The following C20orf202 variants were observed in gnomAD, a reference collection of about 807,000 sequenced individuals.
The protein encoded by C20orf202 is chromosome 20 open reading frame 202.
In C20orf202, 5 loss-of-function variants were observed where a neutral mutation model predicts 5.3. That is an observed-to-expected ratio of 0.94 (90% CI 0.49 to 1.98). The LOEUF (loss-of-function observed/expected upper bound fraction) is 1.98. Ranked by LOEUF, C20orf202 falls within the 30% of genes most tolerant of loss-of-function variation. The pLI is 0.01. For synonymous variants in C20orf202, 48 were observed against 50.0 expected (o/e 0.96, Z 0.16); for missense variants, 135 against 123.5 (o/e 1.09, Z -0.44).
In C20orf202 at chr20:1,206,952, C is replaced by G; in HGVS notation, c.150C>G (p.Ser50Arg). The G allele has an allele frequency of 6.4e-7, 1 of 1,551,642 alleles. No homozygotes were observed. Among genetic ancestry groups the G allele is most frequent in the Non-Finnish European group, 8.7e-7 (1 of 1,146,894 alleles). Residue 50 changes from serine (S) to arginine (R), a missense_variant, in exon 2 of 2, where the codon AGC becomes AGG. By Grantham distance (110) the Ser-to-Arg change is moderately radical (BLOSUM62 -1). Transcript: ENST00000400633. ...TCCTGGAGGAGCTGCGTGCGGACAG[C>G]GCCCACTGGGAGGACGCCAGGTCCA... ...HSVLEELRAD[S>R]AHWEDARSSG...
Position 1,208,931 on chromosome 20 carries a change from CTCTTT to C in C20orf202, c.*1835_*1839del, listed in dbSNP as rs538617862. ...AGTTTTAAAGTTTGATAGTTTCTGCCTCTTTTCTTTGTTCCCTCAGCCCTGGAGAT... is the reference window on the plus strand; with the variant it reads ...AGTTTTAAAGTTTGATAGTTTCTGCCTCTTTGTTCCCTCAGCCCTGGAGAT... On this transcript the variant is annotated 3_prime_UTR_variant, in exon 2 of 2. Coordinates refer to ENST00000400633, the MANE Select transcript of C20orf202 (RefSeq NM_001394958.1). 1.1e-3 allele frequency among the ~76,000 whole-genome samples: 174 copies of C among 152,320 alleles called. 1 individual carries two copies. The highest frequency in any genetic ancestry group is 3.9e-3 in the African/African-American group (162 of 41,568).
At position 1,207,244 on chromosome 20, in the gene C20orf202, C is replaced by T. The variant is rs1272903044; in HGVS notation, c.*142C>T. On this transcript the variant is annotated 3_prime_UTR_variant, in exon 2 of 2. Coordinates refer to ENST00000400633, the MANE Select transcript of C20orf202 (RefSeq NM_001394958.1). ...TTCTGCCCTCATCTGCTGTGCATCC[C>T]TGGATCTGTCACTCAGCTTCTCTGT... is the stretch of plus-strand genomic sequence containing the variant. The T allele has an allele frequency of 1.9e-6, 1 of 535,042 alleles. No individual in the cohort carries two copies. The highest frequency in any genetic ancestry group is 1.9e-5 in the African/African-American group (1 of 52,830). 33.1% of individuals were successfully genotyped at this position (535,042 alleles called of 1,614,324 possible). A position where few individuals can be genotyped will look rare whatever the true frequency, so the allele number is the denominator to read the frequency against.
intron 1 of C20orf202, among the ~76,000 whole-genome samples, chr20:1,204,452 A>G (rs1222544398): frequency 6.6e-6 from 1 of 152,180 alleles, no homozygotes. Context: ...GGCCTCCCCC[A>G]TGGAGCACTA....
chr20:1,206,099 T>A (rs2087130514), intron 1 of C20orf202, among the ~76,000 whole-genome samples: 1 of 151,124 alleles, frequency 6.6e-6, no homozygotes, highest in African/African-American at 2.4e-5. Flanking sequence ...AGAGAGAAAA[T>A]GTATGGGAAA....
Position 1,207,122 on chromosome 20 carries a change from G to A in C20orf202, c.*20G>A, listed in dbSNP as rs1478279680. ...CCTTAACTGGACGGAGATGACACTG[G>A]GCTTTAACACTCTCCCCATTAGTCT... On this transcript the variant is annotated 3_prime_UTR_variant, in exon 2 of 2. Coordinates refer to ENST00000400633, the MANE Select transcript of C20orf202 (RefSeq NM_001394958.1). The A allele has an allele frequency of 2.1e-6, 3 of 1,421,610 alleles. No homozygotes were observed. Among genetic ancestry groups the A allele is most frequent in the East Asian group, 2.5e-5 (1 of 39,660 alleles). 88.1% of individuals were successfully genotyped at this position (1,421,610 alleles called of 1,614,324 possible).
chr20:1,207,006 A>G lies in C20orf202; in HGVS notation c.204A>G (p.Arg68=). 6.4e-7 allele frequency: 1 copy of G among 1,551,172 alleles called. No individual in the cohort carries two copies. Among genetic ancestry groups the G allele is most frequent in the South Asian group, 1.2e-5 (1 of 84,002 alleles). Residue 68 remains arginine (R), a synonymous_variant, in exon 2 of 2, where the codon CGA becomes CGG. Transcript: ENST00000400633. ...SSGGTSPIRA[R]AGSEGRGCQP... ...GAGGGACATCCCCCATCAGAGCTCGAGCGGGCTCCGAAGGCAGGGGCTGCC... is the reference window on the plus strand; with the variant it reads ...GAGGGACATCCCCCATCAGAGCTCGGGCGGGCTCCGAAGGCAGGGGCTGCC...
chr20:1,203,785 C>A, intron 1 of C20orf202, 134 bp downstream of exon 1: 1 of 989,786 alleles, frequency 1.0e-6, no homozygotes, highest in Non-Finnish European at 1.4e-6. Context: ...CCCTCTGGGA[C>A]CTACCACACA....
chr20:1,206,758 C>A, intron 1 of C20orf202, 111 bp from the exon 2 acceptor site: 1 of 624,704 alleles, frequency 1.6e-6, no homozygotes, highest in Non-Finnish European at 2.6e-6. Flanking sequence ...TTCTGTGAGG[C>A]TGTGCGAATC....
chr20:1,206,829 G>T, intron 1 of C20orf202, 40 bp from the exon 2 acceptor site: 1 of 1,354,446 alleles, frequency 7.4e-7, no homozygotes, highest in Non-Finnish European at 1.0e-6. Flanking sequence ...AAACATCCAG[G>T]GCTCCACGCA....
rs2087140062 is a variant in C20orf202 at position 1,207,979 on chromosome 20, C to G, written c.*877C>G. On this transcript the variant is annotated 3_prime_UTR_variant, in exon 2 of 2. Coordinates refer to ENST00000400633, the MANE Select transcript of C20orf202 (RefSeq NM_001394958.1). ...TTTCACCCCCCAACACAGCCACACA[C>G]ATCAATTTGTTTTTGGTTAAGCTGA... 1 of 152,228 alleles carries G rather than the reference C, an allele frequency of 6.6e-6. No individual in the cohort carries two copies. The highest frequency in any genetic ancestry group is 1.5e-5 in the Non-Finnish European group (1 of 68,046). 9.4% of individuals were successfully genotyped at this position (152,228 alleles called of 1,614,324 possible).
In C20orf202 at chr20:1,206,919, TCA is replaced by T. The variant is rs1222755438; in HGVS notation, c.120_121del (p.His40GlnfsTer65). On this transcript the variant is annotated frameshift_variant, in exon 2 of 2. Coordinates refer to ENST00000400633, the MANE Select transcript of C20orf202 (RefSeq NM_001394958.1). LOFTEE classifies it low-confidence loss of function (END_TRUNC). ...QSLLLTLRHL[H>X]SVLEELRADS... Reference sequence around the variant, plus strand: ...GTCTCCTGCTCACACTGAGGCATCTTCACAGTGTCCTGGAGGAGCTGCGTGCG... The same window carrying T: ...GTCTCCTGCTCACACTGAGGCATCTTCAGTGTCCTGGAGGAGCTGCGTGCG... 4.5e-6 allele frequency: 7 copies of T among 1,551,048 alleles called. No individual in the cohort carries two copies. In the East Asian group the frequency reaches 1.7e-4, roughly 38 times the overall value.
chr20:1,203,507 A>T lies in C20orf202; in HGVS notation c.-79A>T, dbSNP rs1297369138. The T allele has an allele frequency of 5.8e-6, 9 of 1,542,132 alleles. No individual in the cohort carries two copies. In the East Asian group the frequency reaches 2.2e-4, roughly 38 times the overall value. On this transcript the variant is annotated 5_prime_UTR_variant, in exon 1 of 2. Coordinates refer to ENST00000400633, the MANE Select transcript of C20orf202 (RefSeq NM_001394958.1). ...CCAGAACCTGCTGCCAGTCTGAAAGAGTTGGGGGAATGTACAAGTCAAAGA... is the reference window on the plus strand; with the variant it reads ...CCAGAACCTGCTGCCAGTCTGAAAGTGTTGGGGGAATGTACAAGTCAAAGA...
rs1334544699 is a variant in C20orf202 at position 1,206,993 on chromosome 20, C to T, written c.191C>T (p.Pro64Leu). 6.4e-7 allele frequency: 1 copy of T among 1,551,544 alleles called. No individual in the cohort carries two copies. Among genetic ancestry groups the T allele is most frequent in the East Asian group, 2.4e-5 (1 of 40,914 alleles). Residue 64 changes from proline to leucine, a missense_variant, in exon 2 of 2, where the codon CCC becomes CTC. Transcript: ENST00000400633. ...GCCAGGTCCAGCGGAGGGACATCCC[C>T]CATCAGAGCTCGAGCGGGCTCCGAA... Reference protein sequence around the residue: ...EDARSSGGTSPIRARAGSEGR... With the variant: ...EDARSSGGTSLIRARAGSEGR...
Position 1,203,548 on chromosome 20 carries a change from A to G in C20orf202, c.-38A>G. On this transcript the variant is annotated 5_prime_UTR_variant, in exon 1 of 2. Coordinates refer to ENST00000400633, the MANE Select transcript of C20orf202 (RefSeq NM_001394958.1). Reference sequence around the variant, plus strand: ...AAGTCAAAGATCCCTCGGGCCCAGAACCAGGTCAGTGTCAAGGTCACTCCT... The same window carrying G: ...AAGTCAAAGATCCCTCGGGCCCAGAGCCAGGTCAGTGTCAAGGTCACTCCT... 1 of 1,551,324 alleles carries G rather than the reference A, an allele frequency of 6.4e-7. No homozygotes were observed. Among genetic ancestry groups the G allele is most frequent in the South Asian group, 1.2e-5 (1 of 83,948 alleles).
At chr20:1,203,735 G>A in intron 1 of C20orf202, 84 bp downstream of exon 1, 1 of 1,448,142 alleles carries the variant, frequency 6.9e-7, no homozygotes, top group Non-Finnish European at 9.2e-7. Flanking sequence ...GTCCCCCCTG[G>A]GGCAGAGGCT....
intron 1 of C20orf202, among the ~76,000 whole-genome samples, chr20:1,205,737 T>C (rs1419653111): frequency 6.6e-6 from 1 of 152,182 alleles, no homozygotes; most frequent in Non-Finnish European, 1.5e-5. Context: ...TGTCCTTTTG[T>C]AGCTTTTAAA....
chr20:1,203,634 T>C lies in C20orf202; in HGVS notation c.49T>C (p.Trp17Arg). The change falls in exon 1 of 2, where the codon TGG becomes CGG. Residue 17 changes from tryptophan (W) to arginine (R), a missense_variant. Trp to Arg is a moderately radical substitution (Grantham distance 101). Coordinates refer to ENST00000400633, the MANE Select transcript of C20orf202 (RefSeq NM_001394958.1). ...PSPSLGQTLE[W>R]LRKELSEMQI... ...CCCGAGTCTTGGGCAGACCTTGGAGTGGCTGAGAAAGGAGCTGGTAAGGTT... is the reference window on the plus strand; with the variant it reads ...CCCGAGTCTTGGGCAGACCTTGGAGCGGCTGAGAAAGGAGCTGGTAAGGTT... 1 of 1,548,776 alleles carries C rather than the reference T, an allele frequency of 6.5e-7. No homozygotes were observed. Among genetic ancestry groups the C allele is most frequent in the Non-Finnish European group, 8.7e-7 (1 of 1,146,126 alleles).
Position 1,203,543 on chromosome 20 carries a change from C to T in C20orf202, c.-43C>T, listed in dbSNP as rs2087118830. ...TGTACAAGTCAAAGATCCCTCGGGC[C>T]CAGAACCAGGTCAGTGTCAAGGTCA... On this transcript the variant is annotated 5_prime_UTR_variant, in exon 1 of 2. Transcript: ENST00000400633. The T allele has an allele frequency of 6.4e-7, 1 of 1,550,576 alleles. No homozygotes were observed.
chr20:1,206,806 G>C (rs1429604145), intron 1 of C20orf202, 63 bp from the exon 2 acceptor site: 1 of 1,159,162 alleles, frequency 8.6e-7, no homozygotes, highest in Non-Finnish European at 1.2e-6. Context: ...GCGAGGGAAG[G>C]GGCTTGATGG....
Sources: gnomAD v4.1 joint callset for allele counts (sites outside exome capture counted in the v4.1 genomes callset) on GRCh38, gnomAD v4.1.1 for gene constraint, MANE v1.5 for transcripts, NCBI Gene and HGNC (gene_info 2026-07-23, HGNC 2026-07-21) for gene names.